CDCA8: variants seen among roughly 807,000 people sequenced by gnomAD.
CDCA8 encodes the protein cell division cycle associated 8, also known as borealin.
In CDCA8, 25 loss-of-function variants were observed where a neutral mutation model predicts 40.0. The ratio of observed to expected loss-of-function variants is 0.63; its 90% CI spans 0.46 to 0.87. The LOEUF (loss-of-function observed/expected upper bound fraction) is 0.87, where lower values mean the gene tolerates loss of function less well. Among genes scored for constraint, CDCA8 ranks in the 40% least tolerant of loss-of-function variants. CDCA8 has a pLI of 0.00. For missense variants in CDCA8, 280 were observed against 348.4 expected, an observed-to-expected ratio of 0.80 and a Z score of 1.56; for synonymous variants, 111 against 126.5, an observed-to-expected ratio of 0.88 and a Z score of 0.82.
intron 8 of CDCA8, 148 bp from the exon 9 acceptor site, chr1:37,706,828 TTG>T (rs745963371): frequency 1.6e-5 from 10 of 609,526 alleles, no homozygotes; most frequent in African/African-American, 5.5e-5. Context: ...GATGAAGTCA[TTG>T]TCTCCTTAGA....
chr1:37,695,394 AC>A (rs1645520008), intron 2 of CDCA8, among the ~76,000 whole-genome samples: 2 of 143,640 alleles, frequency 1.4e-5, no homozygotes, highest in Admixed American at 7.1e-5. Flanking sequence ...AAAAAAAAAG[AC>A]AACCTGGACA....
chr1:37,697,202 C>T (rs1308033761), intron 3 of CDCA8, among the ~76,000 whole-genome samples: 1 of 152,182 alleles, frequency 6.6e-6, no homozygotes, highest in African/African-American at 2.4e-5. Flanking sequence ...GCTCCCAAGA[C>T]CACCTCCAGG....
intron 2 of CDCA8, 71 bp downstream of exon 2, chr1:37,693,104 G>A: frequency 7.1e-7 from 1 of 1,403,306 alleles, no homozygotes. Context: ...CTTCAGAAAG[G>A]GCTCGCTCAG....
intron 8 of CDCA8, among the ~76,000 whole-genome samples, chr1:37,706,034 T>C (rs776051): frequency 0.51 from 76,296 of 149,906 alleles, 19,721 homozygotes; most frequent in East Asian, 0.76. Context: ...TGGTCTCGAT[T>C]GCTTGACCTC....
At chr1:37,699,635 C>T (rs1041146367) in intron 4 of CDCA8, among the ~76,000 whole-genome samples, 3 of 151,252 alleles carry the variant, frequency 2.0e-5, no homozygotes, top group South Asian at 2.1e-4. Flanking sequence ...AAAAAAGTTA[C>T]TCAGCTAGGC....
At chr1:37,706,309 T>C (rs1645601521) in intron 8 of CDCA8, among the ~76,000 whole-genome samples, 1 of 151,996 alleles carries the variant, frequency 6.6e-6, no homozygotes, top group African/African-American at 2.4e-5. Context: ...TGTTTCACCA[T>C]ATTGGTCAAG....
At chr1:37,705,333 G>GT (rs1193341084) in intron 7 of CDCA8, 108 bp from the exon 8 acceptor site, 1 of 933,254 alleles carries the variant, frequency 1.1e-6, no homozygotes, top group African/African-American at 1.7e-5. Context: ...TCTTAGGAAT[G>GT]TATGACTTAA....
Position 37,692,520 on chromosome 1 carries a change from AG to A in CDCA8, c.-170del. On this transcript the variant is annotated 5_prime_UTR_variant, in exon 1 of 10. Coordinates refer to ENST00000373055, the MANE Select transcript of CDCA8 (RefSeq NM_001256875.2). The stretch of plus-strand genomic sequence containing the variant: ...TGAATTGGGTGGCGGTTGACTGTAG[AG>A]CCGCTCTCTCTCACTGGCACAGCGA... 1.6e-6 allele frequency: 1 copy of A among 625,506 alleles called. No homozygotes were observed. The highest frequency in any genetic ancestry group is 2.9e-6 in the Non-Finnish European group (1 of 343,208). The allele number at this position is 625,506 out of a possible 1,614,324, so 38.7% of individuals were successfully genotyped here. A position where few individuals can be genotyped will look rare whatever the true frequency, so the allele number is the denominator to read the frequency against.
intron 3 of CDCA8, 48 bp downstream of exon 3, chr1:37,695,998 C>T: frequency 6.6e-7 from 1 of 1,525,664 alleles, no homozygotes; most frequent in South Asian, 1.1e-5. Flanking sequence ...TAAGTCTAGT[C>T]CAGTCCCCAG....
chr1:37,707,437 G>A (rs543582187), intron 9 of CDCA8, among the ~76,000 whole-genome samples: 1 of 152,338 alleles, frequency 6.6e-6, no homozygotes, highest in African/African-American at 2.4e-5. Context: ...ATCAAAGAGC[G>A]AGCTGAACGG....
intron 7 of CDCA8, 82 bp from the exon 8 acceptor site, chr1:37,705,359 G>A (rs568347766): frequency 5.3e-6 from 7 of 1,327,870 alleles, no homozygotes; most frequent in African/African-American, 1.5e-5. Flanking sequence ...GCAACTTGAG[G>A]CCAGAGTAAG....
rs924526254 is a variant in CDCA8, at chr1:37,700,497, A to G, written c.399A>G (p.Glu133=). 1.9e-6 allele frequency: 3 copies of G among 1,610,256 alleles called. No homozygotes were observed. Among genetic ancestry groups the G allele is most frequent in the Non-Finnish European group, 2.5e-6 (3 of 1,176,648 alleles). The part of the protein sequence containing the change: ...IVEEEEEEEN[E]RKNLQTARVK... ...AAGAGGAAGAAGAAGAAGAAAATGAACGTAAGAATCTTCAAACTGCAAGAG... is the reference window on the plus strand; with the variant it reads ...AAGAGGAAGAAGAAGAAGAAAATGAGCGTAAGAATCTTCAAACTGCAAGAG... Residue 133 remains glutamate, a synonymous_variant, in exon 5 of 10, where the codon GAA becomes GAG. Coordinates refer to ENST00000373055, the MANE Select transcript of CDCA8 (RefSeq NM_001256875.2).
chr1:37,700,524 A>T lies in CDCA8; in HGVS notation c.423+3A>T. The T allele has an allele frequency of 6.3e-7, 1 of 1,580,228 alleles. No individual in the cohort carries two copies. Among genetic ancestry groups the T allele is most frequent in the Non-Finnish European group, 8.7e-7 (1 of 1,149,246 alleles). On this transcript the variant is annotated splice_donor_region_variant and intron_variant, in intron 5 of 9. Transcript: ENST00000373055. ...GTAAGAATCTTCAAACTGCAAGAGT[A>T]AGTGGACACTGAGGTTGGAGGCTGG... is the stretch of plus-strand genomic sequence containing the variant.
rs1032089629 is a variant in CDCA8, at chr1:37,693,215, T to TG, written c.223+189dup. Among the ~76,000 whole-genome samples, 10 of 5,916 alleles carry TG rather than the reference T, an allele frequency of 1.7e-3. No homozygotes were observed. In the South Asian group the frequency reaches 0.023, roughly 14 times the overall value. The allele number at this position is 5,916 out of a possible 152,430, so 3.9% of individuals were successfully genotyped here. On this transcript the variant is annotated intron_variant, in intron 2 of 9. Coordinates refer to ENST00000373055, the MANE Select transcript of CDCA8 (RefSeq NM_001256875.2). Reference sequence around the variant, plus strand: ...CTACTTCATTTTTCTCTATGAAAAATGGGGGGGTGGTTGGGGGGCGGCGGG... The same window carrying TG: ...CTACTTCATTTTTCTCTATGAAAAATGGGGGGGGTGGTTGGGGGGCGGCGGG...
intron 9 of CDCA8, 77 bp from the exon 10 acceptor site, chr1:37,708,245 A>G (rs1372240189): frequency 2.4e-6 from 3 of 1,276,360 alleles, no homozygotes; most frequent in Non-Finnish European, 3.4e-6. Flanking sequence ...GGAGGGGCTC[A>G]GGCTGACTGT....
At chr1:37,700,616 T>C (rs1047349756) in intron 5 of CDCA8, 95 bp downstream of exon 5, 5 of 767,652 alleles carry the variant, frequency 6.5e-6, no homozygotes, top group Non-Finnish European at 1.2e-5. Context: ...GCTCACAGTT[T>C]AGTAGAGATG....
At chr1:37,703,136 G>C in intron 6 of CDCA8, 116 bp from the exon 7 acceptor site, 1 of 790,248 alleles carries the variant, frequency 1.3e-6, no homozygotes, top group Non-Finnish European at 2.3e-6. Flanking sequence ...GTGAGTCGAT[G>C]TGTGCGAGGC....
chr1:37,699,567 GAAAA>G (rs1237990893), intron 4 of CDCA8, among the ~76,000 whole-genome samples: 1 of 139,702 alleles, frequency 7.2e-6, no homozygotes, highest in African/African-American at 2.7e-5. Context: ...CCTTGTCTCT[GAAAA>G]AAAAAAGAAA....
chr1:37,703,913 G>A (rs1645581595), intron 7 of CDCA8, among the ~76,000 whole-genome samples: 1 of 152,068 alleles, frequency 6.6e-6, no homozygotes, highest in South Asian at 2.1e-4. Context: ...GACGTTTTTG[G>A]CCTTTTCTGA....
Sources: allele counts gnomAD v4.1 joint callset (sites outside exome capture counted in the v4.1 genomes callset), GRCh38; gene constraint gnomAD v4.1.1; transcripts MANE v1.5; gene names NCBI Gene and HGNC (gene_info 2026-07-23, HGNC 2026-07-21).